RFTN2: variants seen among roughly 807,000 people sequenced by gnomAD.
RFTN2 encodes raftlin-2.
RFTN2 carries 34 observed loss-of-function variants against 52.7 expected under a neutral mutation model. The ratio of observed to expected loss-of-function variants is 0.64; its 90% confidence interval spans 0.49 to 0.86. The LOEUF is 0.86. RFTN2 is among the 40% of genes least tolerant of loss of function. The pLI is 0.00. For missense variants in RFTN2, 536 were observed against 600.1 expected, an observed-to-expected ratio of 0.89 and a Z score of 1.12; for synonymous variants, 203 against 217.7, an observed-to-expected ratio of 0.93 and a Z score of 0.59.
At chr2:197,629,897 C>T (rs528683913) in intron 5 of RFTN2, among the ~76,000 whole-genome samples, 1 of 151,874 alleles carries the variant, frequency 6.6e-6, no homozygotes, top group Admixed American at 6.6e-5. Context: ...CTAACGTTTG[C>T]ATTTTTTGTA....
intron 2 of RFTN2, 144 bp from the exon 3 acceptor site, chr2:197,644,416 T>C: frequency 2.0e-6 from 1 of 511,778 alleles, no homozygotes. Flanking sequence ...TATCTTCTTA[T>C]ATAAAAATAC....
intron 5 of RFTN2, among the ~76,000 whole-genome samples, chr2:197,620,616 T>TC (rs2088247609): frequency 6.6e-6 from 1 of 152,240 alleles, no homozygotes; most frequent in African/African-American, 2.4e-5. Context: ...TTTTTTGACA[T>TC]AATTCATGGT....
chr2:197,572,335 C>T, intron 8 of RFTN2, 55 bp from the exon 9 acceptor site: 1 of 1,560,290 alleles, frequency 6.4e-7, no homozygotes, highest in South Asian at 1.1e-5. Context: ...TGTTTCCTGT[C>T]CCTCTGGTCT....
Position 197,572,229 on chromosome 2 carries a change from T to C in RFTN2, c.1285A>G (p.Arg429Gly). The change falls in exon 9 of 9, where the codon AGA becomes GGA. Residue 429 changes from arginine to glycine, a missense_variant. Physicochemically the swap from Arg to Gly is moderately radical, Grantham distance 125. Coordinates refer to ENST00000295049, the MANE Select transcript of RFTN2 (RefSeq NM_144629.3). ...KGEDKNKATS[R>G]SIGLDTTSSQ... Reference sequence around the variant, plus strand: ...GAGGTTGTGTCTAATCCGATGCTTCTACTAGTGGCTTTATTCTTGTCTTCA... The same window carrying C: ...GAGGTTGTGTCTAATCCGATGCTTCCACTAGTGGCTTTATTCTTGTCTTCA... The C allele has an allele frequency of 1.2e-6, 2 of 1,614,260 alleles. No individual in the cohort carries two copies. Among genetic ancestry groups the C allele is most frequent in the South Asian group, 1.1e-5 (1 of 91,090 alleles).
intron 1 of RFTN2, among the ~76,000 whole-genome samples, chr2:197,662,106 T>C (rs2088985274): frequency 6.6e-6 from 1 of 152,224 alleles, no homozygotes; most frequent in African/African-American, 2.4e-5. Flanking sequence ...TGTTGATTGC[T>C]TCCTTTGCTG....
intron 5 of RFTN2, among the ~76,000 whole-genome samples, chr2:197,629,911 A>G (rs2088437356): frequency 1.3e-5 from 2 of 151,822 alleles, no homozygotes; most frequent in Non-Finnish European, 1.5e-5. Context: ...TTTTGTAGAG[A>G]TGAGGTTTCG....
rs539844493 is a variant in RFTN2, at chr2:197,623,812, G to A, written c.929-5891C>T. 1.9e-4 allele frequency among the ~76,000 whole-genome samples: 29 copies of A among 152,200 alleles called. No homozygotes were observed. In the South Asian group the frequency reaches 4.2e-3, roughly 22 times the overall value. ...CTCCTGAGTAGCTGGAATTACAGGC[G>A]TGTCACTACGTCTGGCTAATTTTGT... On this transcript the variant is annotated intron_variant, in intron 5 of 8. Coordinates refer to ENST00000295049, the MANE Select transcript of RFTN2 (RefSeq NM_144629.3).
chr2:197,669,703 T>C lies in RFTN2; in HGVS notation c.139+5617A>G, dbSNP rs572524997. Among the ~76,000 whole-genome samples, 7 of 152,340 alleles carry C rather than the reference T, an allele frequency of 4.6e-5. No individual in the cohort carries two copies. In the East Asian group the frequency reaches 1.4e-3, roughly 29 times the overall value. On this transcript the variant is annotated intron_variant, in intron 1 of 8. Coordinates refer to ENST00000295049, the MANE Select transcript of RFTN2 (RefSeq NM_144629.3). ...TCCAATGCCGTTGCTAATTAGGCAG[T>C]AATGCTCACTGGCCTGCTGCTCACC...
intron 7 of RFTN2, among the ~76,000 whole-genome samples, chr2:197,606,944 T>C (rs565850805): frequency 1.1e-4 from 16 of 152,356 alleles, no homozygotes; most frequent in Admixed American, 7.2e-4. Context: ...GATCTGGAAC[T>C]AGAAATACTA....
chr2:197,641,361 C>T (rs184445151), intron 3 of RFTN2, among the ~76,000 whole-genome samples: 1 of 152,120 alleles, frequency 6.6e-6, no homozygotes, highest in African/African-American at 2.4e-5. Context: ...AGATTGTAAC[C>T]ATTTAAAACA....
chr2:197,635,061 T>C lies in RFTN2; in HGVS notation c.439-1064A>G, dbSNP rs866981342. 4.1e-3 allele frequency among the ~76,000 whole-genome samples: 627 copies of C among 152,232 alleles called. 3 individuals carry two copies. Among genetic ancestry groups the C allele is most frequent in the Middle Eastern group, 0.017 (5 of 294 alleles). Reference sequence around the variant, plus strand: ...TTCATCCATGTCCCTACAAAGGACATGAACTCATCATTTTTTATGGCTGCA... The same window carrying C: ...TTCATCCATGTCCCTACAAAGGACACGAACTCATCATTTTTTATGGCTGCA... On this transcript the variant is annotated intron_variant, in intron 3 of 8. Coordinates refer to ENST00000295049, the MANE Select transcript of RFTN2 (RefSeq NM_144629.3).
chr2:197,588,886 G>A (rs764172321), intron 8 of RFTN2, among the ~76,000 whole-genome samples: 10 of 152,064 alleles, frequency 6.6e-5, no homozygotes, highest in South Asian at 2.1e-4. Flanking sequence ...GGTCTCTTCC[G>A]TGCTGCTCTC....
In RFTN2 at chr2:197,588,113, T is replaced by C. The variant is rs570620791; in HGVS notation, c.1233+7878A>G. ...TCATAAAAATAACACACATTTAATA[T>C]AGAAAATGTGACAAAAACAAAGAAA... On this transcript the variant is annotated intron_variant, in intron 8 of 8. Transcript: ENST00000295049. The C allele has an allele frequency of 1.5e-4, 64 of 423,754 alleles. No homozygotes were observed. The East Asian group carries it at 1.9e-3, about 13-fold the overall frequency. 26.2% of individuals were successfully genotyped at this position (423,754 alleles called of 1,614,324 possible).
chr2:197,663,542 G>A (rs1273093563), intron 1 of RFTN2, among the ~76,000 whole-genome samples: 1 of 152,130 alleles, frequency 6.6e-6, no homozygotes, highest in Non-Finnish European at 1.5e-5. Context: ...GTTTCTTCCT[G>A]ATGCAATTTT....
rs149119041 is a variant in RFTN2, at chr2:197,587,698, G to A, written c.1233+8293C>T. 3.5e-3 allele frequency among the ~76,000 whole-genome samples: 536 copies of A among 152,302 alleles called. 2 individuals are homozygous for A. The highest frequency in any genetic ancestry group is 5.2e-3 in the Non-Finnish European group (354 of 68,028). Reference sequence around the variant, plus strand: ...TTATTGCTCACACAAAGCCTGTTTGGTAGTCTCTTCACACAGACACGTGTG... The same window carrying A: ...TTATTGCTCACACAAAGCCTGTTTGATAGTCTCTTCACACAGACACGTGTG... On this transcript the variant is annotated intron_variant, in intron 8 of 8. Transcript: ENST00000295049.
chr2:197,588,017 C>T, intron 8 of RFTN2: 1 of 470,046 alleles, frequency 2.1e-6, no homozygotes, highest in South Asian at 1.6e-5. Context: ...CTGTCTTACC[C>T]ACATCTGCAA....
At chr2:197,597,802 G>A (rs971813998) in intron 7 of RFTN2, among the ~76,000 whole-genome samples, 4 of 152,162 alleles carry the variant, frequency 2.6e-5, no homozygotes, top group Non-Finnish European at 4.4e-5. Context: ...ACAGGTGTGA[G>A]CCACTGCGCC....
chr2:197,618,746 C>G (rs997363879), intron 5 of RFTN2, among the ~76,000 whole-genome samples: 1 of 148,896 alleles, frequency 6.7e-6, no homozygotes, highest in East Asian at 2.0e-4. Flanking sequence ...CCGCCCCGTC[C>G]GGGATGTGAG....
Position 197,617,824 on chromosome 2 carries a change from T to C in RFTN2, c.1026A>G (p.Val342=), listed in dbSNP as rs777904515. 5 of 1,606,070 alleles carry C rather than the reference T, an allele frequency of 3.1e-6. No homozygotes were observed. Among genetic ancestry groups the C allele is most frequent in the African/African-American group, 2.7e-5 (2 of 74,800 alleles). ...CCTCAATAACAGTCCATTGTTCTAC[T>C]ACGATGGCATCATTTCCTTTCCTAC... ...GSSRKGNDAI[V]VEQWTVIEGC... The change falls in exon 6 of 9, where the codon GTA becomes GTG. Residue 342 remains valine, a synonymous_variant. Coordinates refer to ENST00000295049, the MANE Select transcript of RFTN2 (RefSeq NM_144629.3).
Sources: gnomAD v4.1 joint callset for allele counts (sites outside exome capture counted in the v4.1 genomes callset) on GRCh38, gnomAD v4.1.1 for gene constraint, MANE v1.5 for transcripts, NCBI Gene and HGNC (gene_info 2026-07-23, HGNC 2026-07-21) for gene names.